The following NWD2 variants were observed in gnomAD, a reference collection of about 807,000 sequenced individuals.
The protein encoded by NWD2 is NACHT and WD repeat domain containing 2.
A neutral mutation model predicts 132.7 loss-of-function variants in NWD2; 37 were observed. The observed-to-expected ratio is 0.28, with a 90% CI of 0.21 to 0.37. NWD2 has a LOEUF of 0.37. Among genes scored for constraint, NWD2 ranks in the 10% least tolerant of loss-of-function variants. The pLI is 1.00. For synonymous variants in NWD2, 705 were observed against 803.0 expected, an observed-to-expected ratio of 0.88 and a Z score of 2.06; for missense variants, 1,592 against 2,122.4, an observed-to-expected ratio of 0.75 and a Z score of 4.91.
chr4:37,428,512 A>C (rs560774575), intron 3 of NWD2, among the ~76,000 whole-genome samples: 1 of 152,390 alleles, frequency 6.6e-6, no homozygotes, highest in South Asian at 2.1e-4. Flanking sequence ...TATTAGCTTA[A>C]ACCAGAAGTT....
chr4:37,268,702 T>C (rs551714965), intron 1 of NWD2, among the ~76,000 whole-genome samples: 1 of 145,980 alleles, frequency 6.9e-6, no homozygotes, highest in East Asian at 2.0e-4. Flanking sequence ...TTGTGATAAT[T>C]AGAGAAAAAA....
At chr4:37,268,882 G>A (rs151048938) in intron 1 of NWD2, among the ~76,000 whole-genome samples, 83 of 151,896 alleles carry the variant, frequency 5.5e-4, no homozygotes, top group African/African-American at 1.9e-3. Context: ...CAAACACTCT[G>A]CATAGCCCAG....
In NWD2 at chr4:37,245,080, G is replaced by C. The variant is rs1426117421; in HGVS notation, c.13G>C (p.Gly5Arg). ...CTCCCAGAGGGCGATGTGGCCGGCCGGCGCGGGCACCAAGCTGCCCTGTCC... is the reference window on the plus strand; with the variant it reads ...CTCCCAGAGGGCGATGTGGCCGGCCCGCGCGGGCACCAAGCTGCCCTGTCC... The part of the protein sequence containing the change: MWPA[G>R]AGTKLPCPRD... Residue 5 changes from glycine (G) to arginine (R), a missense_variant, in exon 1 of 7, where the codon GGC (glycine) becomes CGC (arginine). By Grantham distance (125) the Gly-to-Arg change is moderately radical. Coordinates refer to ENST00000309447, the MANE Select transcript of NWD2 (RefSeq NM_001144990.2). The C allele has an allele frequency of 1.3e-6, 2 of 1,545,774 alleles. No individual in the cohort carries two copies. The highest frequency in any genetic ancestry group is 1.7e-6 in the Non-Finnish European group (2 of 1,146,428).
intron 2 of NWD2, among the ~76,000 whole-genome samples, chr4:37,340,739 G>A (rs982338146): frequency 6.6e-6 from 1 of 152,204 alleles, no homozygotes; most frequent in Non-Finnish European, 1.5e-5. Flanking sequence ...GCAAATCTGA[G>A]AGAAAATTCT....
At chr4:37,440,802 G>A (rs1272189681) in intron 6 of NWD2, among the ~76,000 whole-genome samples, 5 of 151,982 alleles carry the variant, frequency 3.3e-5, no homozygotes, top group African/African-American at 1.2e-4. Context: ...GCCTAAACAG[G>A]ATGAAACTAG....
In NWD2 at chr4:37,308,437, G is replaced by A. The variant is rs559478887; in HGVS notation, c.152-17499G>A. ...TGGAGGCAGCTTTGCTGAGAGGCCT[G>A]GAGCTACCAGAGAGCCTGGTTTGGG... On this transcript the variant is annotated intron_variant, in intron 1 of 6. Transcript: ENST00000309447. Among the ~76,000 whole-genome samples the A allele has an allele frequency of 3.2e-4, 49 of 152,286 alleles. No homozygotes were observed. The South Asian group carries it at 9.1e-3, about 28-fold the overall frequency.
intron 2 of NWD2, among the ~76,000 whole-genome samples, chr4:37,335,308 G>A (rs997112470): frequency 8.1e-6 from 1 of 123,316 alleles, no homozygotes; most frequent in East Asian, 3.0e-4. Context: ...GGCGGGGGGG[G>A]GGGGCTTAAA....
chr4:37,355,424 AT>A (rs543108646), intron 2 of NWD2, among the ~76,000 whole-genome samples: 30 of 152,304 alleles, frequency 2.0e-4, no homozygotes, highest in African/African-American at 7.2e-4. Context: ...TAGCCAAGAA[AT>A]GGGAATCACA....
At chr4:37,436,893 C>G (rs1712337942) in intron 5 of NWD2, among the ~76,000 whole-genome samples, 1 of 152,132 alleles carries the variant, frequency 6.6e-6, no homozygotes, top group Non-Finnish European at 1.5e-5. Flanking sequence ...CTTTAACTGG[C>G]TTCCTTAACC....
intron 3 of NWD2, among the ~76,000 whole-genome samples, chr4:37,415,055 T>C (rs1244926364): frequency 6.6e-6 from 1 of 152,234 alleles, no homozygotes; most frequent in African/African-American, 2.4e-5. Context: ...TTAAGACATA[T>C]ATTGGGATGA....
At chr4:37,425,195 A>T (rs1344534027) in intron 3 of NWD2, among the ~76,000 whole-genome samples, 1 of 152,238 alleles carries the variant, frequency 6.6e-6, no homozygotes, top group Non-Finnish European at 1.5e-5. Flanking sequence ...TTTTAAAGTG[A>T]ACAATTCAGT....
intron 1 of NWD2, among the ~76,000 whole-genome samples, chr4:37,285,722 A>AT (rs146682816): frequency 0.026 from 3,965 of 152,268 alleles, 190 homozygotes; most frequent in African/African-American, 0.091. Flanking sequence ...GTTCTAATAC[A>AT]TGTCTATATA....
intron 1 of NWD2, among the ~76,000 whole-genome samples, chr4:37,305,701 T>G (rs1349395020): frequency 1.3e-5 from 2 of 152,204 alleles, no homozygotes; most frequent in Non-Finnish European, 2.9e-5. Context: ...TAGAATCTTT[T>G]TGATGTGCTG....
intron 1 of NWD2, among the ~76,000 whole-genome samples, chr4:37,253,595 A>G (rs1717442611): frequency 6.6e-6 from 1 of 152,208 alleles, no homozygotes; most frequent in Non-Finnish European, 1.5e-5. Context: ...ATTACCTCAT[A>G]TAAAGAAGAC....
chr4:37,432,304 C>T (rs550036126), intron 4 of NWD2, among the ~76,000 whole-genome samples: 3 of 151,176 alleles, frequency 2.0e-5, no homozygotes, highest in African/African-American at 7.3e-5. Flanking sequence ...AATATTCCCA[C>T]CCAGAGAAAC....
chr4:37,260,008 T>A (rs1202369151), intron 1 of NWD2, among the ~76,000 whole-genome samples: 2 of 152,328 alleles, frequency 1.3e-5, no homozygotes, highest in East Asian at 3.9e-4. Context: ...TGGGGACAAG[T>A]TAGGAACCTT....
intron 1 of NWD2, among the ~76,000 whole-genome samples, chr4:37,304,311 A>G (rs1718665784): frequency 6.6e-6 from 1 of 152,186 alleles, no homozygotes; most frequent in Non-Finnish European, 1.5e-5. Context: ...ACTAGCAATT[A>G]CAATTTGATA....
chr4:37,257,986 A>T lies in NWD2; in HGVS notation c.151+12768A>T, dbSNP rs543375113. On this transcript the variant is annotated intron_variant, in intron 1 of 6. Transcript: ENST00000309447. ...GATGTGCTAAATTCTTATAGTAAAA[A>T]ATTATTTCTTTCACTCAAAGAATTC... is the stretch of plus-strand genomic sequence containing the variant. 6.9e-4 allele frequency among the ~76,000 whole-genome samples: 105 copies of T among 152,354 alleles called. 1 individual carries two copies. Among genetic ancestry groups the T allele is most frequent in the Non-Finnish European group, 1.1e-3 (74 of 68,038 alleles).
chr4:37,348,957 T>C (rs1719706017), intron 2 of NWD2, among the ~76,000 whole-genome samples: 1 of 151,854 alleles, frequency 6.6e-6, no homozygotes. Flanking sequence ...CCTGTGTAAG[T>C]TTGCTGAGAA....
Sources: gnomAD v4.1 joint callset for allele counts (sites outside exome capture counted in the v4.1 genomes callset) on GRCh38, gnomAD v4.1.1 for gene constraint, MANE v1.5 for transcripts, NCBI Gene and HGNC (gene_info 2026-07-23, HGNC 2026-07-21) for gene names.